PRKCA: variants seen among roughly 807,000 people sequenced by gnomAD.
The protein encoded by PRKCA is protein kinase C alpha type.
A neutral mutation model predicts 87.0 loss-of-function variants in PRKCA; 27 were observed. The ratio of observed to expected loss-of-function variants is 0.31; its 90% CI spans 0.23 to 0.43. PRKCA has a LOEUF of 0.43. Ranked by LOEUF, PRKCA falls within the 20% of genes least tolerant of loss-of-function variation. The pLI is 1.00. For synonymous variants in PRKCA, 329 were observed against 311.1 expected (o/e 1.06, Z -0.61); for missense variants, 518 against 852.3 (o/e 0.61, Z 4.88).
intron 8 of PRKCA, among the ~76,000 whole-genome samples, chr17:66,695,189 C>G (rs1972884970): frequency 6.6e-6 from 1 of 152,182 alleles, no homozygotes; most frequent in Non-Finnish European, 1.5e-5. Flanking sequence ...AGACCTTCTT[C>G]CCCAATCCTG....
chr17:66,748,844 G>A (rs993152138), intron 13 of PRKCA, among the ~76,000 whole-genome samples: 2 of 152,104 alleles, frequency 1.3e-5, no homozygotes, highest in Admixed American at 1.3e-4. Context: ...AGGGCGGGAA[G>A]GAGGGAGGGA....
At position 66,626,217 on chromosome 17, in the gene PRKCA, G is replaced by A. The variant is rs187138700; in HGVS notation, c.289-15138G>A. 4.8e-3 allele frequency among the ~76,000 whole-genome samples: 705 copies of A among 146,074 alleles called. 9 individuals carry two copies. The highest frequency in any genetic ancestry group is 0.015 in the African/African-American group (582 of 38,960). Reference sequence around the variant, plus strand: ...TTTTTCTTTTCTTTTTTTTTTTTGAGACAGAGTCTCACTCTGTCATCCAGC... The same window carrying A: ...TTTTTCTTTTCTTTTTTTTTTTTGAAACAGAGTCTCACTCTGTCATCCAGC... On this transcript the variant is annotated intron_variant, in intron 3 of 16. Transcript: ENST00000413366.
At chr17:66,446,670 A>T (rs1330425357) in intron 2 of PRKCA, among the ~76,000 whole-genome samples, 1 of 152,114 alleles carries the variant, frequency 6.6e-6, no homozygotes, top group African/African-American at 2.4e-5. Context: ...TGCACACTTA[A>T]ACCCCTCCAA....
intron 2 of PRKCA, among the ~76,000 whole-genome samples, chr17:66,364,896 C>A (rs1908610744): frequency 6.6e-6 from 1 of 152,114 alleles, no homozygotes; most frequent in African/African-American, 2.4e-5. Context: ...TCAGTGAAGG[C>A]TTTCGAATAC....
intron 3 of PRKCA, among the ~76,000 whole-genome samples, chr17:66,638,741 G>A (rs574268521): frequency 2.6e-5 from 4 of 152,184 alleles, no homozygotes; most frequent in South Asian, 2.1e-4. Flanking sequence ...CCAGCTACTC[G>A]GGGGGCTGAG....
intron 5 of PRKCA, among the ~76,000 whole-genome samples, chr17:66,664,303 C>G (rs1273662310): frequency 6.6e-6 from 1 of 152,174 alleles, no homozygotes; most frequent in African/African-American, 2.4e-5. Context: ...CCAAAGACCA[C>G]CAAGTCCTGT....
rs1555650885 is a variant in PRKCA at position 66,798,968 on chromosome 17, A to ATGGTGGTGGTGGTGGTGGTGGTGGTGG, written c.1855-4854_1855-4828dup. 1.9e-3 allele frequency among the ~76,000 whole-genome samples: 21 copies of ATGGTGGTGGTGGTGGTGGTGGTGGTGG among 10,890 alleles called. 9 individuals carry two copies. Among genetic ancestry groups the ATGGTGGTGGTGGTGGTGGTGGTGGTGG allele is most frequent in the South Asian group, 0.013 (2 of 152 alleles). 7.1% of individuals were successfully genotyped at this position (10,890 alleles called of 152,430 possible). A position where few individuals can be genotyped will look rare whatever the true frequency, so the allele number is the denominator to read the frequency against. Reference sequence around the variant, plus strand: ...GGTGGTGGTGGTGGTGGTGGTGGTGATGGTGGTGGTGGTGGTGGTGGTGGT... The same window carrying ATGGTGGTGGTGGTGGTGGTGGTGGTGG: ...GGTGGTGGTGGTGGTGGTGGTGGTGATGGTGGTGGTGGTGGTGGTGGTGGTGGTGGTGGTGGTGGTGGTGGTGGTGGT... On this transcript the variant is annotated intron_variant, in intron 16 of 16. Transcript: ENST00000413366.
At chr17:66,353,666 A>G (rs1270540424) in intron 2 of PRKCA, among the ~76,000 whole-genome samples, 1 of 152,206 alleles carries the variant, frequency 6.6e-6, no homozygotes, top group African/African-American at 2.4e-5. Context: ...CAGTGAGCCA[A>G]GATCGGGCCA....
At chr17:66,450,756 T>C (rs768981918) in intron 2 of PRKCA, among the ~76,000 whole-genome samples, 14 of 150,170 alleles carry the variant, frequency 9.3e-5, no homozygotes, top group Admixed American at 5.3e-4. Context: ...CAGCTCATGC[T>C]GTTCTGATGT....
chr17:66,686,800 G>C (rs1972640488), intron 5 of PRKCA, among the ~76,000 whole-genome samples: 1 of 152,096 alleles, frequency 6.6e-6, no homozygotes, highest in African/African-American at 2.4e-5. Context: ...ATTCTGCTTT[G>C]GCAGGTTTGG....
At chr17:66,436,899 G>T (rs960215249) in intron 2 of PRKCA, among the ~76,000 whole-genome samples, 2 of 152,138 alleles carry the variant, frequency 1.3e-5, no homozygotes, top group African/African-American at 4.8e-5. Context: ...AGTGAAAATT[G>T]AGGCTAACAT....
chr17:66,328,570 G>T (rs1038772047), intron 2 of PRKCA, among the ~76,000 whole-genome samples: 26 of 152,108 alleles, frequency 1.7e-4, no homozygotes, highest in Non-Finnish European at 3.7e-4. Flanking sequence ...GGCTGAAATG[G>T]GCAGATCACT....
At chr17:66,461,942 G>A (rs1035506388) in intron 2 of PRKCA, among the ~76,000 whole-genome samples, 1 of 152,070 alleles carries the variant, frequency 6.6e-6, no homozygotes, top group African/African-American at 2.4e-5. Context: ...GGAGACTGGG[G>A]TTCCTAACTA....
At chr17:66,482,363 C>T (rs760979302) in intron 2 of PRKCA, among the ~76,000 whole-genome samples, 1 of 152,144 alleles carries the variant, frequency 6.6e-6, no homozygotes, top group Non-Finnish European at 1.5e-5. Context: ...ATCATGAGCT[C>T]ACTCGCTGCT....
intron 3 of PRKCA, among the ~76,000 whole-genome samples, chr17:66,556,057 G>T (rs1968484913): frequency 6.6e-6 from 1 of 152,014 alleles, no homozygotes; most frequent in Non-Finnish European, 1.5e-5. Context: ...GTGAGCTCTG[G>T]ATGGGCGAGC....
chr17:66,452,054 C>T (rs1914350280), intron 2 of PRKCA, among the ~76,000 whole-genome samples: 1 of 152,202 alleles, frequency 6.6e-6, no homozygotes, highest in Non-Finnish European at 1.5e-5. Context: ...GTGTGCGTCC[C>T]TCATTTATAT....
chr17:66,666,831 C>T (rs966703199), intron 5 of PRKCA, among the ~76,000 whole-genome samples: 8 of 151,942 alleles, frequency 5.3e-5, no homozygotes, highest in African/African-American at 1.9e-4. Flanking sequence ...CTTTGAATCC[C>T]CCCCCCACAC....
At chr17:66,620,299 A>G (rs1970639652) in intron 3 of PRKCA, among the ~76,000 whole-genome samples, 1 of 152,212 alleles carries the variant, frequency 6.6e-6, no homozygotes, top group African/African-American at 2.4e-5. Context: ...CCCTCTTTAC[A>G]ATAGTCACCA....
chr17:66,528,955 A>G (rs1967444116), intron 3 of PRKCA, among the ~76,000 whole-genome samples: 1 of 152,230 alleles, frequency 6.6e-6, no homozygotes, highest in African/African-American at 2.4e-5. Flanking sequence ...CAAATGATGA[A>G]TAAGCCCAGC....
Sources: gnomAD v4.1 joint callset for allele counts (sites outside exome capture counted in the v4.1 genomes callset) on GRCh38, gnomAD v4.1.1 for gene constraint, MANE v1.5 for transcripts, NCBI Gene and HGNC (gene_info 2026-07-23, HGNC 2026-07-21) for gene names.